Variants in ATP10A observed in about 807,000 individuals in gnomAD.
The protein encoded by ATP10A is phospholipid-transporting ATPase VA.
ATP10A carries 111 observed loss-of-function variants against 147.8 expected under a neutral mutation model. The ratio of observed to expected loss-of-function variants is 0.75; its 90% confidence interval spans 0.64 to 0.88. The LOEUF is 0.88. Ranked by LOEUF, ATP10A falls within the 40% of genes least tolerant of loss-of-function variation. ATP10A has a pLI of 0.00. For missense variants in ATP10A, 1,927 were observed against 1,959.0 expected (o/e 0.98, Z 0.31); for synonymous variants, 875 against 841.6 (o/e 1.04, Z -0.69).
intron 1 of ATP10A, among the ~76,000 whole-genome samples, chr15:25,817,866 T>A (rs556618407): frequency 1.8e-4 from 27 of 152,350 alleles, no homozygotes; most frequent in African/African-American, 6.5e-4. Flanking sequence ...TTACATGTAA[T>A]AATATGATGA....
intron 1 of ATP10A, among the ~76,000 whole-genome samples, chr15:25,816,561 AT>A (rs1157477380): frequency 6.6e-6 from 1 of 152,216 alleles, no homozygotes; most frequent in Admixed American, 6.5e-5. Flanking sequence ...TTTTTAAAAA[AT>A]ATTTTCACAA....
chr15:25,857,965 T>C (rs1339469176), intron 1 of ATP10A, among the ~76,000 whole-genome samples: 7 of 151,880 alleles, frequency 4.6e-5, no homozygotes, highest in Non-Finnish European at 8.8e-5. Flanking sequence ...TTGGCTCATA[T>C]TAACAAGTAA....
intron 1 of ATP10A, among the ~76,000 whole-genome samples, chr15:25,827,205 T>G (rs1283713569): frequency 1.3e-5 from 2 of 152,024 alleles, no homozygotes; most frequent in Non-Finnish European, 2.9e-5. Flanking sequence ...AATTGGACAT[T>G]CCCAGATAAA....
intron 2 of ATP10A, among the ~76,000 whole-genome samples, chr15:25,775,747 T>C (rs1310878181): frequency 1.3e-5 from 2 of 152,196 alleles, no homozygotes; most frequent in Admixed American, 6.5e-5. Flanking sequence ...AGACAAACTG[T>C]TGGAAACTAT....
intron 2 of ATP10A, among the ~76,000 whole-genome samples, chr15:25,749,339 G>A (rs1888026603): frequency 6.6e-6 from 1 of 152,146 alleles, no homozygotes; most frequent in Non-Finnish European, 1.5e-5. Context: ...GTGCAAATAA[G>A]AGAGAAATAG....
At chr15:25,843,858 G>A (rs1892912505) in intron 1 of ATP10A, among the ~76,000 whole-genome samples, 1 of 152,118 alleles carries the variant, frequency 6.6e-6, no homozygotes, top group African/African-American at 2.4e-5. Context: ...AAGAAACTAA[G>A]TTCAAGAACA....
At position 25,726,068 on chromosome 15, in the gene ATP10A, C is replaced by T; in HGVS notation, c.862G>A (p.Ala288Thr). 2 of 1,613,928 alleles carry T rather than the reference C, an allele frequency of 1.2e-6. No individual in the cohort carries two copies. The highest frequency in any genetic ancestry group is 2.2e-5 in the East Asian group (1 of 44,860). ...IVIYAGHETK[A>T]LLNNSGPRYK... ...CGGGGCCCACTGTTGTTCAGCAGAG[C>T]CTTGGTTTCATGTCCTGTCGGGGAG... is the stretch of plus-strand genomic sequence containing the variant. Residue 288 changes from alanine (A) to threonine (T), a missense_variant, in exon 5 of 21, where the codon GCT (alanine) becomes ACT (threonine). Coordinates refer to ENST00000555815, the MANE Select transcript of ATP10A (RefSeq NM_024490.4).
At chr15:25,825,671 TA>T (rs1200665998) in intron 1 of ATP10A, among the ~76,000 whole-genome samples, 1 of 152,164 alleles carries the variant, frequency 6.6e-6, no homozygotes, top group Non-Finnish European at 1.5e-5. Context: ...AGCTGGTTCA[TA>T]AAAGTCAATA....
At chr15:25,765,702 C>A (rs1013340660) in intron 2 of ATP10A, among the ~76,000 whole-genome samples, 3 of 152,230 alleles carry the variant, frequency 2.0e-5, no homozygotes, top group Admixed American at 1.3e-4. Context: ...CACCTTAATT[C>A]TTCCAGCTCT....
intron 1 of ATP10A, among the ~76,000 whole-genome samples, chr15:25,847,609 CTTTTTTTTTTTTTTTTTTTTTTTTT>C (rs34212354): frequency 9.8e-5 from 4 of 40,688 alleles, no homozygotes; most frequent in African/African-American, 1.5e-4. Context: ...CAGCTACAGC[CTTTTTTTTTTTTTTTTTTTTTTTTT>C]TTTTTTTTTT....
At position 25,701,927 on chromosome 15, in the gene ATP10A, C is replaced by T; in HGVS notation, c.2749G>A (p.Ala917Thr). The change falls in exon 13 of 21, where the codon GCC (alanine) becomes ACC (threonine). Residue 917 changes from alanine (A) to threonine (T), a missense_variant. Transcript: ENST00000555815. ...TGAAACCCACCTACCTGGGAGGTGG[C>T]ATTCAGGGTGATGACCTCCTCGTCG... ...DHDEEVITLN[A>T]TSQEACAALL... 1 of 1,604,514 alleles carries T rather than the reference C, an allele frequency of 6.2e-7. No homozygotes were observed. The highest frequency in any genetic ancestry group is 8.5e-7 in the Non-Finnish European group (1 of 1,174,782).
chr15:25,727,405 G>A (rs774970552), intron 3 of ATP10A, 139 bp from the exon 4 acceptor site: 9 of 728,534 alleles, frequency 1.2e-5, no homozygotes, highest in Non-Finnish European at 2.0e-5. Flanking sequence ...AGGGTACAGG[G>A]GGCCCCCGAG....
At chr15:25,822,996 G>GA (rs1344358420) in intron 1 of ATP10A, among the ~76,000 whole-genome samples, 1 of 151,084 alleles carries the variant, frequency 6.6e-6, no homozygotes, top group East Asian at 1.9e-4. Flanking sequence ...TCAAGGACAT[G>GA]AAAAAAATAA....
intron 2 of ATP10A, among the ~76,000 whole-genome samples, chr15:25,758,733 CG>C: frequency 7.6e-6 from 1 of 130,936 alleles, no homozygotes; most frequent in African/African-American, 3.2e-5. Context: ...ACCCTCATTC[CG>C]ACCACCTGCT....
intron 2 of ATP10A, among the ~76,000 whole-genome samples, chr15:25,754,347 G>A (rs1269200371): frequency 1.3e-5 from 2 of 152,110 alleles, no homozygotes; most frequent in Non-Finnish European, 2.9e-5. Flanking sequence ...TGTTGGCCAG[G>A]ATGGTCTCGA....
intron 1 of ATP10A, among the ~76,000 whole-genome samples, chr15:25,852,864 T>C (rs970295567): frequency 2.0e-5 from 3 of 152,194 alleles, no homozygotes; most frequent in East Asian, 1.9e-4. Context: ...TCCACTGAGA[T>C]TGGGCAATCA....
chr15:25,729,280 A>T (rs1902800390), intron 3 of ATP10A, among the ~76,000 whole-genome samples: 1 of 152,280 alleles, frequency 6.6e-6, no homozygotes, highest in East Asian at 1.9e-4. Flanking sequence ...TGAGGTCAGG[A>T]GTTCGAGACC....
chr15:25,729,913 G>A (rs919683822), intron 3 of ATP10A, among the ~76,000 whole-genome samples: 2 of 152,100 alleles, frequency 1.3e-5, no homozygotes, highest in African/African-American at 4.8e-5. Context: ...AACGTTGAAG[G>A]CTGCCCGGCC....
intron 1 of ATP10A, among the ~76,000 whole-genome samples, chr15:25,807,041 G>A (rs549801733): frequency 6.6e-6 from 1 of 152,370 alleles, no homozygotes; most frequent in South Asian, 2.1e-4. Flanking sequence ...GCTGGAAAGA[G>A]CAGCTTTGGA....
Sources: gnomAD v4.1 joint callset for allele counts (sites outside exome capture counted in the v4.1 genomes callset) on GRCh38, gnomAD v4.1.1 for gene constraint, MANE v1.5 for transcripts, NCBI Gene and HGNC (gene_info 2026-07-23, HGNC 2026-07-21) for gene names.